The following POMZP3 variants were observed in gnomAD, a reference collection of about 807,000 sequenced individuals.
The protein encoded by POMZP3 is POM121 and ZP3 fusion.
Under a neutral mutation model 19.8 loss-of-function variants are expected in POMZP3, and 10 were observed. That is an observed-to-expected ratio of 0.51 (90% CI 0.31 to 0.86). POMZP3 has a LOEUF of 0.86. Ranked by LOEUF, POMZP3 falls within the 40% of genes least tolerant of loss-of-function variation. The probability of loss-of-function intolerance (pLI) is 0.04; values close to 1 mark genes in which losing one functional copy is unlikely to be tolerated. For synonymous variants in POMZP3, 57 were observed against 85.8 expected (o/e 0.66, Z 1.85); for missense variants, 152 against 228.1 (o/e 0.67, Z 2.15).
chr7:76,610,357 C>A (rs1276151417), intron 6 of POMZP3, 142 bp from the exon 7 acceptor site: 10 of 1,280,746 alleles, frequency 7.8e-6, no homozygotes, highest in East Asian at 2.4e-5. Context: ...GACAAAAAAA[C>A]ACAGCTTTCT....
chr7:76,616,567 C>T (rs1366723794), intron 4 of POMZP3, among the ~76,000 whole-genome samples: 1 of 99,174 alleles, frequency 1.0e-5, no homozygotes, highest in Non-Finnish European at 2.2e-5. Context: ...TGTTTAAAAG[C>T]TACTTGAGGC....
Position 76,621,891 on chromosome 7 carries a change from G to A in POMZP3, c.228-3591C>T, listed in dbSNP as rs1269736725. Among the ~76,000 whole-genome samples, 44 of 126,064 alleles carry A rather than the reference G, an allele frequency of 3.5e-4. 1 individual carries two copies. The highest frequency in any genetic ancestry group is 1.2e-3 in the African/African-American group (39 of 32,760). 82.7% of individuals were successfully genotyped at this position (126,064 alleles called of 152,430 possible). On this transcript the variant is annotated intron_variant, in intron 3 of 6. Transcript: ENST00000310842. ...GGAGGCGGAGCTTGCAGTGAGCCGA[G>A]ATAGCGCTACTGCACTCCAGCCTGG...
chr7:76,617,605 G>T (rs1815329446), intron 4 of POMZP3, among the ~76,000 whole-genome samples: 1 of 91,584 alleles, frequency 1.1e-5, no homozygotes, highest in African/African-American at 6.2e-5. Context: ...CTATGACCAA[G>T]TTCAAGAAGC....
intron 4 of POMZP3, among the ~76,000 whole-genome samples, chr7:76,617,135 A>G (rs1245732517): frequency 1.1e-5 from 1 of 93,260 alleles, no homozygotes; most frequent in East Asian, 2.7e-4. Flanking sequence ...TGCCCAGCTA[A>G]TTTTTTGTAT....
At chr7:76,614,563 CCA>C (rs1815221280) in intron 4 of POMZP3, among the ~76,000 whole-genome samples, 1 of 67,240 alleles carries the variant, frequency 1.5e-5, no homozygotes, top group African/African-American at 7.5e-5. Context: ...TCCATTTCCC[CCA>C]AAAAAAAAAA....
chr7:76,615,849 G>A (rs1815262014), intron 4 of POMZP3, among the ~76,000 whole-genome samples: 2 of 85,382 alleles, frequency 2.3e-5, no homozygotes, highest in East Asian at 5.3e-4. Flanking sequence ...CAGTAGTGGC[G>A]TATGCCTACA....
chr7:76,623,808 A>C (rs140076603), intron 3 of POMZP3, among the ~76,000 whole-genome samples: 2 of 152,084 alleles, frequency 1.3e-5, no homozygotes, highest in Admixed American at 1.3e-4. Flanking sequence ...CCTCCAAAAA[A>C]AAAGAAAGAG....
At chr7:76,624,992 G>A (rs1815791876) in intron 3 of POMZP3, among the ~76,000 whole-genome samples, 1 of 151,508 alleles carries the variant, frequency 6.6e-6, no homozygotes, top group Non-Finnish European at 1.5e-5. Flanking sequence ...AATTAGCCGG[G>A]CATGGTGGCG....
chr7:76,625,576 C>G lies in POMZP3; in HGVS notation c.173G>C (p.Arg58Thr). The change falls in exon 3 of 7, where the codon AGG becomes ACG. Residue 58 changes from arginine to threonine, a missense_variant. By Grantham distance (71) the Arg-to-Thr change is moderately conservative. This residue lies in a region of POMZP3 where 17 missense variants were observed against 38.1 expected (regional missense o/e 0.45). Transcript: ENST00000310842. ...TATTTGGTCTTCTTCCTCCACTGTC[C>G]TTTTCTTCTTCTTCTCTTTGAGGGC... ...LSALKEKKKKRTVEEEDQIFL... is the reference protein window; with the variant it reads ...LSALKEKKKKTTVEEEDQIFL... 6.2e-7 allele frequency: 1 copy of G among 1,613,490 alleles called. No individual in the cohort carries two copies. Among genetic ancestry groups the G allele is most frequent in the Non-Finnish European group, 8.5e-7 (1 of 1,179,676 alleles).
In POMZP3 at chr7:76,611,446, T is replaced by C. The variant is rs1419803831; in HGVS notation, c.*11+8A>G. On this transcript the variant is annotated splice_region_variant and intron_variant, in intron 6 of 6. Coordinates refer to ENST00000310842, the MANE Select transcript of POMZP3 (RefSeq NM_012230.5). ...AATGAACAGCCTCTTGGCCATTCTA[T>C]GACATACCATGCCTGCGGTTACAGG... 1 of 1,548,218 alleles carries C rather than the reference T, an allele frequency of 6.5e-7. No individual in the cohort carries two copies. Among genetic ancestry groups the C allele is most frequent in the Non-Finnish European group, 8.7e-7 (1 of 1,147,426 alleles).
chr7:76,621,121 A>G (rs2116871069), intron 3 of POMZP3: 1 of 148,636 alleles, frequency 6.7e-6, no homozygotes, highest in African/African-American at 2.5e-5. Context: ...TGCAGGTCAC[A>G]CCTGGGTCCT....
chr7:76,626,180 G>A lies in POMZP3; in HGVS notation c.-116C>T, dbSNP rs1815884385. On this transcript the variant is annotated 5_prime_UTR_variant, in exon 2 of 7. Transcript: ENST00000310842. Reference sequence around the variant, plus strand: ...ATGGATCGGATAGCGTCTTCGAGGTGTTATTACAAACCGATCTGGTAAAGT... The same window carrying A: ...ATGGATCGGATAGCGTCTTCGAGGTATTATTACAAACCGATCTGGTAAAGT... 3.2e-6 allele frequency: 5 copies of A among 1,579,506 alleles called. No individual in the cohort carries two copies. The Admixed American group carries it at 7.4e-5, about 23-fold the overall frequency.
rs1439428666 is a variant in POMZP3 at position 76,615,776 on chromosome 7, G to C, written c.345+2407C>G. The C allele has an allele frequency of 3.5e-5, 3 of 84,598 alleles. 1 individual carries two copies. Among genetic ancestry groups the C allele is most frequent in the Non-Finnish European group, 6.9e-5 (3 of 43,214 alleles). The allele number at this position is 84,598 out of a possible 1,614,324, so 5.2% of individuals were successfully genotyped here. A position where few individuals can be genotyped will look rare whatever the true frequency, so the allele number is the denominator to read the frequency against. ...AAGGCAGGTGGATCGTTTGAGGTCG[G>C]GTATTCAAGACCAGCCTGGCCAATA... is the stretch of plus-strand genomic sequence containing the variant. On this transcript the variant is annotated intron_variant, in intron 4 of 6. Coordinates refer to ENST00000310842, the MANE Select transcript of POMZP3 (RefSeq NM_012230.5).
At chr7:76,616,154 G>A (rs1437297963) in intron 4 of POMZP3, among the ~76,000 whole-genome samples, 1 of 136,046 alleles carries the variant, frequency 7.4e-6, no homozygotes, top group East Asian at 2.1e-4. Flanking sequence ...CATGGTGGCA[G>A]GCGCCTGCAA....
Position 76,624,955 on chromosome 7 carries a change from AC to A in POMZP3, c.227+566del, listed in dbSNP as rs1344026301. On this transcript the variant is annotated intron_variant, in intron 3 of 6. Transcript: ENST00000310842. ...AGACCATCCTGGCCAACATGGTGAA[AC>A]CCTGTCTCTACTAAAAATACAAAAA... Among the ~76,000 whole-genome samples the A allele has an allele frequency of 2.0e-5, 3 of 149,932 alleles. No homozygotes were observed. In the South Asian group the frequency reaches 6.4e-4, roughly 32 times the overall value.
At chr7:76,619,618 G>A (rs1799227) in intron 3 of POMZP3, among the ~76,000 whole-genome samples, 52,507 of 145,884 alleles carry the variant, frequency 0.36, 9,754 homozygotes, top group Middle Eastern at 0.55. Flanking sequence ...ACTCCTCAAA[G>A]GCTGGGGTTT....
rs1011769612 is a variant in POMZP3, at chr7:76,610,862, C to T, written c.*11+592G>A. ...AGGATTATAGGCACAACCCACTGTT[C>T]TGGCCAGATTATTATTATTTTTTTT... is the stretch of plus-strand genomic sequence containing the variant. On this transcript the variant is annotated intron_variant, in intron 6 of 6. Coordinates refer to ENST00000310842, the MANE Select transcript of POMZP3 (RefSeq NM_012230.5). Among the ~76,000 whole-genome samples the T allele has an allele frequency of 1.2e-4, 16 of 136,098 alleles. 1 individual carries two copies. In the South Asian group the frequency reaches 1.2e-3, roughly 10 times the overall value. The allele number at this position is 136,098 out of a possible 152,430, so 89.3% of individuals were successfully genotyped here.
chr7:76,617,601 CCAAGTT>C (rs1273662813), intron 4 of POMZP3, among the ~76,000 whole-genome samples: 1 of 91,468 alleles, frequency 1.1e-5, no homozygotes, highest in Non-Finnish European at 2.1e-5. Context: ...TAACCTATGA[CCAAGTT>C]CAAGAAGCCA....
rs1156637776 is a variant in POMZP3, at chr7:76,626,148, G to A, written c.-84C>T. 1 of 1,608,224 alleles carries A rather than the reference G, an allele frequency of 6.2e-7. No homozygotes were observed. The highest frequency in any genetic ancestry group is 8.5e-7 in the Non-Finnish European group (1 of 1,177,082). ...GGAAGTACCCCCGGACAGGAATACT[G>A]GGCCTGATGGATCGGATAGCGTCTT... On this transcript the variant is annotated 5_prime_UTR_variant, in exon 2 of 7. Coordinates refer to ENST00000310842, the MANE Select transcript of POMZP3 (RefSeq NM_012230.5).
Sources: allele counts gnomAD v4.1 joint callset (sites outside exome capture counted in the v4.1 genomes callset), GRCh38; gene constraint gnomAD v4.1.1; regional missense constraint gnomAD v4.1.1; transcripts MANE v1.5; gene names NCBI Gene and HGNC (gene_info 2026-07-23, HGNC 2026-07-21).